ZNF697: variants seen among roughly 807,000 people sequenced by gnomAD.
ZNF697 encodes zinc finger protein 697.
ZNF697 carries 23 observed loss-of-function variants against 32.4 expected under a neutral mutation model. The ratio of observed to expected loss-of-function variants is 0.71; its 90% CI spans 0.51 to 1.01. The LOEUF is 1.01. ZNF697 is among the 50% of genes least tolerant of loss of function. The pLI is 0.00. For missense variants in ZNF697, 930 were observed against 794.0 expected, an observed-to-expected ratio of 1.17 and a Z score of -2.06; for synonymous variants, 418 against 337.2, an observed-to-expected ratio of 1.24 and a Z score of -2.62.
Position 119,622,704 on chromosome 1 carries a change from C to A in ZNF697, c.*1G>T. 1 of 1,523,962 alleles carries A rather than the reference C, an allele frequency of 6.6e-7. No individual in the cohort carries two copies. The highest frequency in any genetic ancestry group is 2.5e-5 in the East Asian group (1 of 40,768). The allele number at this position is 1,523,962 out of a possible 1,614,324, so 94.4% of individuals were successfully genotyped here. A position where few individuals can be genotyped will look rare whatever the true frequency, so the allele number is the denominator to read the frequency against. Reference sequence around the variant, plus strand: ...ACGGCAGCCTCCCGCGGACCCAGCCCCTAACACAGGTGCAGCTTCTGGTGC... The same window carrying A: ...ACGGCAGCCTCCCGCGGACCCAGCCACTAACACAGGTGCAGCTTCTGGTGC... On this transcript the variant is annotated 3_prime_UTR_variant, in exon 3 of 3. Transcript: ENST00000421812.
Position 119,623,965 on chromosome 1 carries a change from C to A in ZNF697, c.378G>T (p.Glu126Asp). The stretch of plus-strand genomic sequence containing the variant: ...GCTCCTCTTCCTCCTCCAGCCGGTT[C>A]TCCCCAGCACTCTCGTCGTCGTCCT... ...LREDDDESAG[E>D]NRLEEEEEQP... Residue 126 changes from glutamate (E) to aspartate (D), a missense_variant, in exon 3 of 3, where the codon GAG becomes GAT. By Grantham distance (45) the Glu-to-Asp change is conservative. Coordinates refer to ENST00000421812, the MANE Select transcript of ZNF697 (RefSeq NM_001080470.2). 2 of 1,607,216 alleles carry A rather than the reference C, an allele frequency of 1.2e-6. No individual in the cohort carries two copies. Among genetic ancestry groups the A allele is most frequent in the East Asian group, 4.5e-5 (2 of 44,546 alleles).
chr1:119,648,022 AG>A lies in ZNF697; in HGVS notation c.-370del, dbSNP rs1433751009. ...GCAGCGGTCGGGTCTGGTCCCGATC[AG>A]CCCCATCCCCGGGAGGCGGTTGAGC... On this transcript the variant is annotated 5_prime_UTR_variant, in exon 1 of 3. An upstream open reading frame in the 5' UTR gains an earlier in-frame stop. Coordinates refer to ENST00000421812, the MANE Select transcript of ZNF697 (RefSeq NM_001080470.2). 1.3e-5 allele frequency among the ~76,000 whole-genome samples: 2 copies of A among 152,174 alleles called. No individual in the cohort carries two copies. Among genetic ancestry groups the A allele is most frequent in the Non-Finnish European group, 2.9e-5 (2 of 68,024 alleles).
At chr1:119,625,553 A>G (rs1215263285) in intron 2 of ZNF697, among the ~76,000 whole-genome samples, 3 of 152,204 alleles carry the variant, frequency 2.0e-5, no homozygotes, top group Non-Finnish European at 4.4e-5. Flanking sequence ...CTCTCCCAAT[A>G]ACACTGTGAG....
In ZNF697 at chr1:119,622,498, T is replaced by C. The variant is rs1384070256; in HGVS notation, c.*207A>G. 4.2e-6 allele frequency: 4 copies of C among 952,598 alleles called. No homozygotes were observed. Among genetic ancestry groups the C allele is most frequent in the South Asian group, 2.2e-5 (1 of 46,386 alleles). The allele number at this position is 952,598 out of a possible 1,614,324, so 59.0% of individuals were successfully genotyped here. A position where few individuals can be genotyped will look rare whatever the true frequency, so the allele number is the denominator to read the frequency against. ...CCCAAGCGCATCTCCTGAACAATTCTTCCGTGGAGAGGAGGCAAGTATAGC... is the reference window on the plus strand; with the variant it reads ...CCCAAGCGCATCTCCTGAACAATTCCTCCGTGGAGAGGAGGCAAGTATAGC... On this transcript the variant is annotated 3_prime_UTR_variant, in exon 3 of 3. Transcript: ENST00000421812.
intron 1 of ZNF697, among the ~76,000 whole-genome samples, chr1:119,645,005 G>T (rs1649166581): frequency 6.6e-6 from 1 of 152,216 alleles, no homozygotes; most frequent in Non-Finnish European, 1.5e-5. Flanking sequence ...ACCTTCTTCA[G>T]TCTAGGACAA....
At chr1:119,628,813 A>G (rs1648679666) in intron 1 of ZNF697, among the ~76,000 whole-genome samples, 1 of 152,230 alleles carries the variant, frequency 6.6e-6, no homozygotes, top group Non-Finnish European at 1.5e-5. Flanking sequence ...ATCACGATGT[A>G]ATTATATGAA....
Position 119,623,029 on chromosome 1 carries a change from C to T in ZNF697, c.1314G>A (p.Val438=). ...CGAAGCCCTTCCCGCACTCGCGGCA[C>T]ACGTAGGGCCGCTCACCCGAGTGCG... ...KRTHSGERPY[V]CRECGKGFGR... Residue 438 remains valine, a synonymous_variant, in exon 3 of 3, where the codon GTG becomes GTA. Transcript: ENST00000421812. The T allele has an allele frequency of 6.3e-7, 1 of 1,589,402 alleles. No individual in the cohort carries two copies. The highest frequency in any genetic ancestry group is 1.1e-5 in the South Asian group (1 of 88,152).
rs10754416 is a variant in ZNF697 at position 119,620,908 on chromosome 1, T to C, written c.*1797A>G. 0.67 allele frequency: 101,703 copies of C among 151,776 alleles called. 34,654 individuals carry two copies. Among genetic ancestry groups the C allele is most frequent in the African/African-American group, 0.81 (33,340 of 41,160 alleles). 9.4% of individuals were successfully genotyped at this position (151,776 alleles called of 1,614,324 possible). On this transcript the variant is annotated 3_prime_UTR_variant, in exon 3 of 3. Coordinates refer to ENST00000421812, the MANE Select transcript of ZNF697 (RefSeq NM_001080470.2). ...CTTTTTTTCCCCCTTCCACTGTGTCTGATATTTTGTGAAGATGCTTCCATG... is the reference window on the plus strand; with the variant it reads ...CTTTTTTTCCCCCTTCCACTGTGTCCGATATTTTGTGAAGATGCTTCCATG...
intron 1 of ZNF697, among the ~76,000 whole-genome samples, chr1:119,629,067 A>C (rs1648687400): frequency 6.6e-6 from 1 of 152,180 alleles, no homozygotes; most frequent in Non-Finnish European, 1.5e-5. Context: ...ACAAATCATA[A>C]ATTGCAGAGC....
At chr1:119,637,231 G>A (rs1648947221) in intron 1 of ZNF697, among the ~76,000 whole-genome samples, 1 of 152,280 alleles carries the variant, frequency 6.6e-6, no homozygotes, top group South Asian at 2.1e-4. Context: ...ACACAAAACT[G>A]CAACATAGGG....
At chr1:119,637,965 CAG>C (rs140514064) in intron 1 of ZNF697, among the ~76,000 whole-genome samples, 41 of 147,638 alleles carry the variant, frequency 2.8e-4, no homozygotes, top group Admixed American at 4.7e-4. Context: ...GAGAAAGAGA[CAG>C]AGAGAGAGAG....
intron 2 of ZNF697, among the ~76,000 whole-genome samples, chr1:119,624,664 G>A (rs893600233): frequency 1.3e-5 from 2 of 152,076 alleles, no homozygotes; most frequent in Non-Finnish European, 2.9e-5. Context: ...GCGCAATCTT[G>A]GCTCACTGCA....
At chr1:119,631,957 G>C (rs587753870) in intron 1 of ZNF697, among the ~76,000 whole-genome samples, 45 of 152,340 alleles carry the variant, frequency 3.0e-4, no homozygotes, top group Admixed American at 1.5e-3. Context: ...CGATTGGGTA[G>C]AGCGCTGGAA....
intron 1 of ZNF697, among the ~76,000 whole-genome samples, chr1:119,646,785 C>T (rs1035382972): frequency 5.3e-5 from 8 of 152,240 alleles, no homozygotes; most frequent in South Asian, 4.1e-4. Flanking sequence ...GTGAGTGTGG[C>T]CCCTTAGGCA....
intron 1 of ZNF697, among the ~76,000 whole-genome samples, chr1:119,644,074 G>A (rs1649145027): frequency 1.3e-5 from 2 of 152,186 alleles, no homozygotes; most frequent in Admixed American, 1.3e-4. Flanking sequence ...TAAAGTCCCT[G>A]TCACGTGTGG....
intron 1 of ZNF697, among the ~76,000 whole-genome samples, chr1:119,627,604 G>C (rs112292746): frequency 6.6e-6 from 1 of 152,240 alleles, no homozygotes; most frequent in African/African-American, 2.4e-5. Flanking sequence ...AGACACGCTA[G>C]CCCCTCTGTA....
intron 1 of ZNF697, among the ~76,000 whole-genome samples, chr1:119,639,436 T>C (rs985340337): frequency 2.6e-5 from 4 of 152,180 alleles, no homozygotes; most frequent in African/African-American, 9.7e-5. Flanking sequence ...TACCTCATCT[T>C]AACCTCTGTC....
At chr1:119,641,180 G>GC (rs1649057978) in intron 1 of ZNF697, among the ~76,000 whole-genome samples, 1 of 152,166 alleles carries the variant, frequency 6.6e-6, no homozygotes, top group Non-Finnish European at 1.5e-5. Flanking sequence ...TGTGGCAACT[G>GC]CCCCCCAGAC....
intron 1 of ZNF697, among the ~76,000 whole-genome samples, chr1:119,641,775 G>A (rs926174313): frequency 1.3e-5 from 2 of 152,074 alleles, no homozygotes; most frequent in Non-Finnish European, 2.9e-5. Flanking sequence ...CCCTTTGCTC[G>A]GCACTTCTCT....
Sources: allele counts gnomAD v4.1 joint callset (sites outside exome capture counted in the v4.1 genomes callset), GRCh38; gene constraint gnomAD v4.1.1; transcripts MANE v1.5; gene names NCBI Gene and HGNC (gene_info 2026-07-23, HGNC 2026-07-21).